KDM6A: variants seen among roughly 807,000 people sequenced by gnomAD.
KDM6A encodes the protein lysine demethylase 6A.
KDM6A carries 11 observed loss-of-function variants against 117.6 expected under a neutral mutation model. That is an observed-to-expected ratio of 0.09 (90% CI 0.06 to 0.15). The LOEUF (loss-of-function observed/expected upper bound fraction) is 0.15, where lower values mean the gene tolerates loss of function less well. Ranked by LOEUF, KDM6A falls within the 10% of genes least tolerant of loss-of-function variation. The pLI is 1.00. For synonymous variants in KDM6A, 384 were observed against 396.1 expected, an observed-to-expected ratio of 0.97 and a Z score of 0.36; for missense variants, 799 against 1,077.3, an observed-to-expected ratio of 0.74 and a Z score of 3.62.
At chrX:45,029,457 C>T (rs1275993850) in intron 6 of KDM6A, among the ~76,000 whole-genome samples, 2 of 108,927 alleles carry the variant, frequency 1.8e-5, no homozygotes, top group Non-Finnish European at 3.8e-5. Flanking sequence ...TACATACATA[C>T]AAAATTTAGT....
At chrX:45,024,819 A>G (rs2147702910) in intron 6 of KDM6A, among the ~76,000 whole-genome samples, 1 of 111,859 alleles carries the variant, frequency 8.9e-6, no homozygotes, top group South Asian at 3.7e-4. Flanking sequence ...ATGTAAAACA[A>G]CCATAATTGG....
At chrX:44,893,129 C>T (rs1192350287) in intron 2 of KDM6A, among the ~76,000 whole-genome samples, 1 of 109,963 alleles carries the variant, frequency 9.1e-6, no homozygotes, top group Non-Finnish European at 1.9e-5. Context: ...GAGCCGAGAT[C>T]GCACCACTAC....
intron 2 of KDM6A, among the ~76,000 whole-genome samples, chrX:44,956,369 G>A (rs140576438): frequency 2.7e-5 from 3 of 110,600 alleles, no homozygotes; most frequent in Non-Finnish European, 5.7e-5. Flanking sequence ...ATTTCCTTCC[G>A]TTTCCTTTTC....
intron 4 of KDM6A, among the ~76,000 whole-genome samples, chrX:44,985,840 T>C (rs1268333660): frequency 1.8e-5 from 2 of 111,031 alleles, no homozygotes; most frequent in African/African-American, 3.3e-5. Context: ...TTTGCATCGA[T>C]GTTCATCAGG....
At chrX:44,980,287 C>T (rs1194992185) in intron 4 of KDM6A, among the ~76,000 whole-genome samples, 2 of 111,539 alleles carry the variant, frequency 1.8e-5, no homozygotes, top group Admixed American at 9.5e-5. Context: ...AGCCACCGCC[C>T]GCATCTGGCC....
intron 2 of KDM6A, among the ~76,000 whole-genome samples, chrX:44,902,683 C>T (rs959611999): frequency 1.8e-5 from 2 of 112,196 alleles, no homozygotes; most frequent in African/African-American, 3.2e-5. Context: ...CCACAGTGCC[C>T]GGCCTATTTA....
At chrX:44,875,051 C>T (rs2031351428) in intron 2 of KDM6A, among the ~76,000 whole-genome samples, 1 of 112,115 alleles carries the variant, frequency 8.9e-6, no homozygotes, top group African/African-American at 3.2e-5. Context: ...TTTATATTTC[C>T]TGACCAAAAT....
At chrX:45,016,489 G>T (rs865907172) in intron 5 of KDM6A, among the ~76,000 whole-genome samples, 1 of 95,505 alleles carries the variant, frequency 1.0e-5, no homozygotes, top group African/African-American at 4.6e-5. Flanking sequence ...ATGTATGTAT[G>T]TATGTATGTA....
chrX:45,076,111 A>T (rs1443874468), intron 18 of KDM6A, among the ~76,000 whole-genome samples: 2 of 111,576 alleles, frequency 1.8e-5, no homozygotes, highest in African/African-American at 3.2e-5. Context: ...TAATAATTAT[A>T]TACAGTGTCA....
At chrX:45,089,455 G>C (rs767821302) in intron 25 of KDM6A, among the ~76,000 whole-genome samples, 91 of 108,433 alleles carry the variant, frequency 8.4e-4, no homozygotes, top group Non-Finnish European at 1.1e-3. Flanking sequence ...GAGCCCAGGA[G>C]GCGGAGGTTG....
intron 8 of KDM6A, among the ~76,000 whole-genome samples, chrX:45,042,284 GGGGAGAGGGGAGA>G (rs2043295422): frequency 1.7e-5 from 1 of 58,113 alleles, no homozygotes; most frequent in Admixed American, 1.6e-4. Context: ...AGAGGGGAGA[GGGGAGAGGGGAGA>G]GGGGAGAGGG....
At chrX:44,995,047 A>G (rs1871851018) in intron 4 of KDM6A, among the ~76,000 whole-genome samples, 1 of 111,977 alleles carries the variant, frequency 8.9e-6, no homozygotes, top group South Asian at 3.7e-4. Flanking sequence ...TTTGATTTCA[A>G]TTTCTATGAT....
intron 2 of KDM6A, among the ~76,000 whole-genome samples, chrX:44,907,041 C>G (rs1012234087): frequency 9.0e-6 from 1 of 111,267 alleles, no homozygotes; most frequent in Non-Finnish European, 1.9e-5. Context: ...ACTCTCTTCT[C>G]CATTTGCCCC....
intron 2 of KDM6A, among the ~76,000 whole-genome samples, chrX:44,952,520 G>A (rs1051647190): frequency 7.2e-5 from 8 of 110,568 alleles, no homozygotes; most frequent in Non-Finnish European, 1.5e-4. Context: ...TGATCAACCC[G>A]CCTCGGCCTC....
chrX:45,037,636 C>T lies in KDM6A; in HGVS notation c.620-19C>T, dbSNP rs1416292949. 1 of 1,195,774 alleles carries T rather than the reference C, an allele frequency of 8.4e-7. No homozygotes were observed. Among genetic ancestry groups the T allele is most frequent in the Non-Finnish European group, 1.1e-6 (1 of 882,134 alleles). On this transcript the variant is annotated intron_variant, in intron 7 of 29. Coordinates refer to ENST00000611820, the MANE Select transcript of KDM6A (RefSeq NM_001291415.2). The stretch of plus-strand genomic sequence containing the variant: ...GCTGTATTGTTACTGATTTTTTTGT[C>T]TTTCCTCATCCTTTGCAGTTCAATT...
intron 18 of KDM6A, among the ~76,000 whole-genome samples, chrX:45,076,117 T>C (rs2148093750): frequency 9.0e-6 from 1 of 111,325 alleles, no homozygotes; most frequent in Non-Finnish European, 1.9e-5. Flanking sequence ...TTATATACAG[T>C]GTCAGAGAGT....
chrX:44,979,092 A>T (rs1236196598), intron 4 of KDM6A, among the ~76,000 whole-genome samples: 1 of 112,173 alleles, frequency 8.9e-6, no homozygotes, highest in African/African-American at 3.2e-5. Flanking sequence ...ATATATACCT[A>T]TGATTTGGGA....
At chrX:45,019,448 C>A (rs2042090895) in intron 5 of KDM6A, among the ~76,000 whole-genome samples, 1 of 111,849 alleles carries the variant, frequency 8.9e-6, no homozygotes, top group Non-Finnish European at 1.9e-5. Flanking sequence ...GTGTACATAA[C>A]CATTCACACT....
chrX:45,039,503 ATTTTTTTTTTTTTT>A (rs756202597), intron 8 of KDM6A, among the ~76,000 whole-genome samples: 2 of 61,256 alleles, frequency 3.3e-5, no homozygotes, highest in African/African-American at 1.1e-4. Context: ...TCATTTGATA[ATTTTTTTTTTTTTT>A]TTTTTTTTTT....
Sources: allele counts gnomAD v4.1 joint callset (sites outside exome capture counted in the v4.1 genomes callset), GRCh38; gene constraint gnomAD v4.1.1; transcripts MANE v1.5; gene names NCBI Gene and HGNC (gene_info 2026-07-23, HGNC 2026-07-21).